Variants in HEATR4 observed in about 807,000 individuals in gnomAD.
HEATR4 encodes HEAT repeat-containing protein 4.
A neutral mutation model predicts 108.8 loss-of-function variants in HEATR4; 95 were observed. That is an observed-to-expected ratio of 0.87 (90% CI 0.74 to 1.04). The LOEUF is 1.04. Ranked by LOEUF, HEATR4 falls within the 50% of genes least tolerant of loss-of-function variation. HEATR4 has a pLI of 0.00. For missense variants in HEATR4, 1,152 were observed against 1,253.8 expected (o/e 0.92, Z 1.23); for synonymous variants, 443 against 459.4 (o/e 0.96, Z 0.46).
At chr14:73,597,147 A>G in the HEATR4 span, among the ~76,000 whole-genome samples, 1 of 151,742 alleles carries the variant, frequency 6.6e-6, no homozygotes, top group Non-Finnish European at 1.5e-5. Context: ...GCAATGGCGC[A>G]ATCTCAGCTC....
chr14:73,616,412 G>A, the HEATR4 span, among the ~76,000 whole-genome samples: 1 of 151,890 alleles, frequency 6.6e-6, no homozygotes, highest in African/African-American at 2.4e-5. Flanking sequence ...AAAGTTTTAG[G>A]CCGGTTGCGG....
chr14:73,494,193 A>G (rs932528772), intron 16 of HEATR4, among the ~76,000 whole-genome samples: 1 of 152,160 alleles, frequency 6.6e-6, no homozygotes, highest in Non-Finnish European at 1.5e-5. Flanking sequence ...GAATATTCTC[A>G]TGGTTGGTGG....
chr14:73,507,456 C>T (rs1886929346), intron 9 of HEATR4, among the ~76,000 whole-genome samples: 1 of 152,038 alleles, frequency 6.6e-6, no homozygotes, highest in South Asian at 2.1e-4. Flanking sequence ...TTTTTTGAGG[C>T]AGGGTCTTGC....
At chr14:73,526,138 A>C (rs1162544275) in intron 2 of HEATR4, among the ~76,000 whole-genome samples, 1 of 152,262 alleles carries the variant, frequency 6.6e-6, no homozygotes, top group East Asian at 1.9e-4. Context: ...CATGTGGTGG[A>C]GCGAGAGGAG....
chr14:73,533,258 T>C lies in HEATR4; in HGVS notation c.-151-3014A>G. ...GCAGGGACTTTAACAGATATTTGTATACCCATGTTCATAGCAGCATACTCA... is the reference window on the plus strand; with the variant it reads ...GCAGGGACTTTAACAGATATTTGTACACCCATGTTCATAGCAGCATACTCA... On this transcript the variant is annotated intron_variant, in intron 1 of 17. Coordinates refer to ENST00000553558, the MANE Select transcript of HEATR4 (RefSeq NM_001220484.1). Among the ~76,000 whole-genome samples, 2 of 115,412 alleles carry C rather than the reference T, an allele frequency of 1.7e-5. 1 individual carries two copies. Among genetic ancestry groups the C allele is most frequent in the Non-Finnish European group, 3.8e-5 (2 of 52,946 alleles). The allele number at this position is 115,412 out of a possible 152,430, so 75.7% of individuals were successfully genotyped here.
intron 5 of HEATR4, among the ~76,000 whole-genome samples, chr14:73,517,952 GGC>G (rs2140291362): frequency 6.6e-6 from 1 of 152,270 alleles, no homozygotes; most frequent in African/African-American, 2.4e-5. Flanking sequence ...TGGGTGTGGT[GGC>G]GCGCACCTGT....
chr14:73,502,555 C>CTT (rs915918420), intron 11 of HEATR4, among the ~76,000 whole-genome samples: 1 of 146,590 alleles, frequency 6.8e-6, no homozygotes, highest in Non-Finnish European at 1.5e-5. Flanking sequence ...CTCCTAAGCA[C>CTT]TTTTTTTTTT....
At chr14:73,487,743 A>G (rs1885506447) in intron 17 of HEATR4, among the ~76,000 whole-genome samples, 1 of 152,324 alleles carries the variant, frequency 6.6e-6, no homozygotes, top group Non-Finnish European at 1.5e-5. Flanking sequence ...AATGTGTTAA[A>G]TTCATGTGAA....
chr14:73,496,960 G>T (rs557857070), intron 14 of HEATR4, among the ~76,000 whole-genome samples: 1 of 152,168 alleles, frequency 6.6e-6, no homozygotes, highest in African/African-American at 2.4e-5. Flanking sequence ...GCACGATCTC[G>T]TCTCGGCTCA....
intron 17 of HEATR4, among the ~76,000 whole-genome samples, chr14:73,487,616 T>C (rs1885501535): frequency 6.6e-6 from 1 of 152,162 alleles, no homozygotes; most frequent in African/African-American, 2.4e-5. Context: ...GCATGGTGGC[T>C]CATGCTTGTA....
At chr14:73,573,833 T>G in the HEATR4 span, among the ~76,000 whole-genome samples, 1 of 152,018 alleles carries the variant, frequency 6.6e-6, no homozygotes, top group African/African-American at 2.4e-5. Flanking sequence ...TTCAAGTGAT[T>G]CTTGTGCCCC....
At chr14:73,631,662 G>A in the HEATR4 span, 1 of 161,216 alleles carries the variant, frequency 6.2e-6, no homozygotes, top group Admixed American at 6.3e-5. Flanking sequence ...GGAAGACTAC[G>A]AGCCTTATTC....
At chr14:73,621,130 T>C in the HEATR4 span, among the ~76,000 whole-genome samples, 3 of 152,024 alleles carry the variant, frequency 2.0e-5, no homozygotes, top group African/African-American at 4.8e-5. Flanking sequence ...GGAGAATTGC[T>C]TGAACTCAGG....
chr14:73,483,877 G>T (rs954322127), intron 17 of HEATR4, among the ~76,000 whole-genome samples: 1 of 151,306 alleles, frequency 6.6e-6, no homozygotes, highest in African/African-American at 2.4e-5. Flanking sequence ...TTTTGAGACG[G>T]AGTCTCATCT....
chr14:73,571,460 T>C, the HEATR4 span: 4 of 152,420 alleles, frequency 2.6e-5, no homozygotes, highest in African/African-American at 7.2e-5. Flanking sequence ...TCTTGCAAGG[T>C]CCTCCGGGGT....
At chr14:73,621,771 T>A in the HEATR4 span, among the ~76,000 whole-genome samples, 1 of 144,634 alleles carries the variant, frequency 6.9e-6, no homozygotes, top group African/African-American at 2.6e-5. Flanking sequence ...CTTTTTTTTT[T>A]TTTTTTTTTT....
At chr14:73,603,746 T>C in the HEATR4 span, among the ~76,000 whole-genome samples, 85 of 152,198 alleles carry the variant, frequency 5.6e-4, no homozygotes, top group South Asian at 1.2e-3. Context: ...CTTTTCTTTT[T>C]TTTTTTTAGA....
At chr14:73,524,310 A>AAAAAAAAAAAATATATATATAT in intron 2 of HEATR4, among the ~76,000 whole-genome samples, 1 of 54,788 alleles carries the variant, frequency 1.8e-5, no homozygotes, top group Non-Finnish European at 3.1e-5. Flanking sequence ...AAAAAAAAAA[A>AAAAAAAAAAAATATATATATAT]ATATATATAT....
intron 2 of HEATR4, chr14:73,527,460 TAAC>T (rs1048640792): frequency 6.0e-5 from 9 of 150,800 alleles, no homozygotes; most frequent in Non-Finnish European, 1.3e-4. Context: ...GAGATTGAAA[TAAC>T]AAAAATCAAG....
Sources: gnomAD v4.1 joint callset for allele counts (sites outside exome capture counted in the v4.1 genomes callset) on GRCh38, gnomAD v4.1.1 for gene constraint, MANE v1.5 for transcripts, NCBI Gene and HGNC (gene_info 2026-07-23, HGNC 2026-07-21) for gene names.